The following PNKD variants were observed in gnomAD, a reference collection of about 807,000 sequenced individuals.
PNKD encodes the protein PNKD metallo-beta-lactamase domain containing.
PNKD carries 36 observed loss-of-function variants against 45.3 expected under a neutral mutation model. The ratio of observed to expected loss-of-function variants is 0.80; its 90% CI spans 0.61 to 1.05. The LOEUF (loss-of-function observed/expected upper bound fraction) is 1.05, where lower values mean the gene tolerates loss of function less well. Among genes scored for constraint, PNKD ranks in the 50% least tolerant of loss-of-function variants. PNKD has a pLI of 0.00. For missense variants in PNKD, 511 were observed against 506.6 expected (o/e 1.01, Z -0.08); for synonymous variants, 197 against 210.1 (o/e 0.94, Z 0.54).
intron 2 of PNKD, among the ~76,000 whole-genome samples, chr2:218,332,202 G>A: frequency 6.6e-6 from 1 of 152,176 alleles, no homozygotes. Flanking sequence ...TAGAGAGCTG[G>A]GGGACAGAGG....
In PNKD at chr2:218,345,943, A is replaced by C. The variant is rs747547213; in HGVS notation, c.*962A>C. On this transcript the variant is annotated 3_prime_UTR_variant, in exon 10 of 10. Transcript: ENST00000273077. ...CCTTTTCTTCTTTGAGTTAGTAAAGATTTATTCTGTAACCTGACACTCATC... is the reference window on the plus strand; with the variant it reads ...CCTTTTCTTCTTTGAGTTAGTAAAGCTTTATTCTGTAACCTGACACTCATC... The C allele has an allele frequency of 1.3e-5, 2 of 152,294 alleles. No individual in the cohort carries two copies. The highest frequency in any genetic ancestry group is 2.9e-5 in the Non-Finnish European group (2 of 68,056). The allele number at this position is 152,294 out of a possible 1,614,324, so 9.4% of individuals were successfully genotyped here.
At chr2:218,272,709 G>A (rs1690897600) in intron 2 of PNKD, 1 of 1,614,230 alleles carries the variant, frequency 6.2e-7, no homozygotes, top group Non-Finnish European at 8.5e-7. Context: ...GAGGTTCAGG[G>A]CTTCCTCCCA....
intron 2 of PNKD, chr2:218,292,656 C>G (rs1479390066): frequency 6.6e-6 from 1 of 152,128 alleles, no homozygotes; most frequent in Non-Finnish European, 1.5e-5. Context: ...GCCCCGACGA[C>G]GCCTCACTAA....
At chr2:218,280,341 G>C (rs78376547) in intron 2 of PNKD, 19 of 505,890 alleles carry the variant, frequency 3.8e-5, no homozygotes, top group African/African-American at 2.7e-4. Context: ...CGTTCCTCAC[G>C]TGCATCTGTG....
intron 9 of PNKD, 102 bp from the exon 10 acceptor site, chr2:218,344,706 A>C (rs571187328): frequency 7.0e-7 from 1 of 1,419,986 alleles, no homozygotes; most frequent in East Asian, 2.3e-5. Context: ...CTCAAGTCAG[A>C]ACTCCTGAAC....
intron 2 of PNKD, among the ~76,000 whole-genome samples, chr2:218,309,363 G>C (rs1693526732): frequency 7.0e-6 from 1 of 142,988 alleles, no homozygotes; most frequent in Non-Finnish European, 1.5e-5. Context: ...AGGTTGCAGT[G>C]AGCCAAGATT....
chr2:218,277,035 A>G (rs1691285643), intron 2 of PNKD: 5 of 1,614,108 alleles, frequency 3.1e-6, no homozygotes, highest in South Asian at 1.1e-5. Context: ...GCTAGTGACA[A>G]TCCCAGTCAC....
intron 2 of PNKD, chr2:218,272,796 T>TA (rs778499168): frequency 5.8e-5 from 94 of 1,613,718 alleles, no homozygotes; most frequent in Non-Finnish European, 6.9e-5. Flanking sequence ...TATTGACTGT[T>TA]AAGTCCTCAG....
intron 2 of PNKD, among the ~76,000 whole-genome samples, chr2:218,317,423 G>A (rs1345164827): frequency 6.6e-6 from 1 of 152,228 alleles, no homozygotes; most frequent in Admixed American, 6.5e-5. Flanking sequence ...CAGGCAGGAA[G>A]ACTAAAAACA....
intron 2 of PNKD, among the ~76,000 whole-genome samples, chr2:218,315,439 G>A (rs1238158470): frequency 6.6e-6 from 1 of 152,180 alleles, no homozygotes; most frequent in Non-Finnish European, 1.5e-5. Flanking sequence ...TTCCAGGCAT[G>A]AGCCATGGCG....
intron 8 of PNKD, among the ~76,000 whole-genome samples, chr2:218,343,863 T>C (rs1694753080): frequency 6.6e-6 from 1 of 152,240 alleles, no homozygotes; most frequent in African/African-American, 2.4e-5. Context: ...CAGAGAGATG[T>C]CTAATTGTTC....
intron 2 of PNKD, among the ~76,000 whole-genome samples, chr2:218,333,045 G>T (rs1293571230): frequency 6.6e-6 from 1 of 152,184 alleles, no homozygotes; most frequent in African/African-American, 2.4e-5. Context: ...CTCTGGGGAC[G>T]AGGCCTTCCC....
chr2:218,331,710 C>T (rs1218912450), intron 2 of PNKD, among the ~76,000 whole-genome samples: 2 of 152,180 alleles, frequency 1.3e-5, no homozygotes, highest in Admixed American at 6.5e-5. Context: ...TCAGGTGATC[C>T]ATCCACCTCG....
chr2:218,344,679 T>C, intron 9 of PNKD, 109 bp downstream of exon 9: 1 of 1,379,146 alleles, frequency 7.3e-7, no homozygotes, highest in Non-Finnish European at 1.0e-6. Flanking sequence ...AACTCTGACC[T>C]CTTTGGCCCA....
intron 2 of PNKD, among the ~76,000 whole-genome samples, chr2:218,291,551 G>A (rs776201770): frequency 3.3e-5 from 5 of 152,134 alleles, no homozygotes; most frequent in Non-Finnish European, 7.4e-5. Flanking sequence ...AGGGTGCTCA[G>A]GTAGAACCCC....
chr2:218,280,088 T>G (rs1431765664), intron 2 of PNKD: 1 of 1,614,116 alleles, frequency 6.2e-7, no homozygotes. Context: ...AAGCTATCAC[T>G]CACTGCTCTC....
At chr2:218,277,345 A>T in intron 2 of PNKD, 1 of 1,605,444 alleles carries the variant, frequency 6.2e-7, no homozygotes, top group African/African-American at 1.3e-5. Context: ...GGGGCCAGGG[A>T]AGGGCCCTCC....
rs757350092 is a variant in PNKD, at chr2:218,270,558, C to A, written c.23C>A (p.Thr8Lys). ...AACATGGCGGCGGTGGTAGCTGCTA[C>A]GGCGCTGAAGGGCCGGGGGGCGAGA... The part of the protein sequence containing the change: MAAVVAA[T>K]ALKGRGARNA... The change falls in exon 1 of 10, where the codon ACG becomes AAG. Residue 8 changes from threonine to lysine, a missense_variant. Transcript: ENST00000273077. The A allele has an allele frequency of 4.9e-6, 6 of 1,233,088 alleles. No homozygotes were observed. The highest frequency in any genetic ancestry group is 5.9e-5 in the South Asian group (2 of 33,696). The allele number at this position is 1,233,088 out of a possible 1,614,324, so 76.4% of individuals were successfully genotyped here.
chr2:218,276,137 A>C, intron 2 of PNKD: 1 of 1,577,058 alleles, frequency 6.3e-7, no homozygotes, highest in Non-Finnish European at 8.6e-7. Flanking sequence ...ACAGGCCCAC[A>C]GGCCCCAGCT....
Sources: allele counts gnomAD v4.1 joint callset (sites outside exome capture counted in the v4.1 genomes callset), GRCh38; gene constraint gnomAD v4.1.1; transcripts MANE v1.5; gene names NCBI Gene and HGNC (gene_info 2026-07-23, HGNC 2026-07-21).